The following ATL1 variants were observed in gnomAD, a reference collection of about 807,000 sequenced individuals.
The protein encoded by ATL1 is atlastin GTPase 1.
A neutral mutation model predicts 75.5 loss-of-function variants in ATL1; 31 were observed. The observed-to-expected ratio is 0.41, with a 90% confidence interval of 0.31 to 0.55. ATL1 has a LOEUF of 0.55. ATL1 is among the 20% of genes least tolerant of loss of function. The pLI, the probability that ATL1 is intolerant of heterozygous loss-of-function variation, is 0.27. For missense variants in ATL1, 405 were observed against 662.6 expected, an observed-to-expected ratio of 0.61 and a Z score of 4.27; for synonymous variants, 226 against 233.3, an observed-to-expected ratio of 0.97 and a Z score of 0.28.
chr14:50,546,418 A>G (rs553743292), intron 1 of ATL1, among the ~76,000 whole-genome samples: 1 of 152,138 alleles, frequency 6.6e-6, no homozygotes, highest in African/African-American at 2.4e-5. Flanking sequence ...GTTTATGTTT[A>G]TATGTATGTA....
intron 1 of ATL1, among the ~76,000 whole-genome samples, chr14:50,583,754 G>A (rs187758258): frequency 3.0e-4 from 46 of 152,290 alleles, no homozygotes; most frequent in Admixed American, 1.4e-3. Context: ...AAGGATAGGA[G>A]GTGCTTGCCA....
intron 11 of ATL1, among the ~76,000 whole-genome samples, chr14:50,625,786 T>G (rs1322750098): frequency 6.6e-6 from 1 of 151,714 alleles, no homozygotes; most frequent in Non-Finnish European, 1.5e-5. Context: ...GGCGGGCACC[T>G]GTAGTCCCAG....
At chr14:50,609,315 A>G (rs2039342719) in intron 6 of ATL1, among the ~76,000 whole-genome samples, 1 of 152,062 alleles carries the variant, frequency 6.6e-6, no homozygotes, top group Non-Finnish European at 1.5e-5. Context: ...ATCATATGTA[A>G]TCTCTATTTT....
chr14:50,602,086 G>A (rs985079756), intron 6 of ATL1, among the ~76,000 whole-genome samples: 3 of 152,116 alleles, frequency 2.0e-5, no homozygotes, highest in Admixed American at 2.0e-4. Context: ...GACTAATTCT[G>A]GATATTTTTG....
intron 6 of ATL1, among the ~76,000 whole-genome samples, chr14:50,599,411 T>C (rs2140213715): frequency 6.6e-6 from 1 of 152,298 alleles, no homozygotes; most frequent in African/African-American, 2.4e-5. Context: ...AACATGGAGA[T>C]AATACCAATG....
chr14:50,552,771 C>T (rs1438855102), intron 1 of ATL1, among the ~76,000 whole-genome samples: 2 of 152,118 alleles, frequency 1.3e-5, no homozygotes, highest in Non-Finnish European at 2.9e-5. Context: ...GGAAAGGATA[C>T]CCTATTCAAT....
intron 1 of ATL1, among the ~76,000 whole-genome samples, chr14:50,575,392 G>A (rs1331878046): frequency 2.6e-5 from 4 of 152,072 alleles, no homozygotes; most frequent in South Asian, 2.1e-4. Context: ...GAGTCTGTAC[G>A]GAAGTGTTTT....
intron 11 of ATL1, among the ~76,000 whole-genome samples, chr14:50,626,827 G>T (rs1470019781): frequency 2.0e-5 from 3 of 152,146 alleles, no homozygotes; most frequent in African/African-American, 7.2e-5. Context: ...ACCCTACTGA[G>T]CTATTGAACA....
At chr14:50,567,187 C>G (rs573940050) in intron 1 of ATL1, among the ~76,000 whole-genome samples, 1 of 152,326 alleles carries the variant, frequency 6.6e-6, no homozygotes, top group South Asian at 2.1e-4. Context: ...ATGACTTTGA[C>G]TACTCTGTGT....
intron 8 of ATL1, among the ~76,000 whole-genome samples, chr14:50,617,583 C>T (rs1403660155): frequency 2.0e-5 from 3 of 152,184 alleles, no homozygotes; most frequent in Admixed American, 1.3e-4. Context: ...TATACTAGTG[C>T]ATCTGCCCTG....
At chr14:50,614,573 T>C in intron 8 of ATL1, 62 bp downstream of exon 8, 1 of 1,553,006 alleles carries the variant, frequency 6.4e-7, no homozygotes. Context: ...TGTCATTTTA[T>C]CTATTGGGCT....
chr14:50,630,213 TAC>T (rs763879873), intron 13 of ATL1, among the ~76,000 whole-genome samples: 2 of 152,192 alleles, frequency 1.3e-5, no homozygotes, highest in African/African-American at 4.8e-5. Context: ...TGATTTGATC[TAC>T]ACACACACAA....
At chr14:50,545,703 T>C (rs1427290429) in intron 1 of ATL1, among the ~76,000 whole-genome samples, 1 of 152,204 alleles carries the variant, frequency 6.6e-6, no homozygotes, top group Non-Finnish European at 1.5e-5. Flanking sequence ...CGAGTATCCA[T>C]GTCGGCCCTG....
chr14:50,595,444 G>A lies in ATL1; in HGVS notation c.574-132G>A, dbSNP rs3015455. On this transcript the variant is annotated intron_variant, in intron 5 of 13. Coordinates refer to ENST00000358385, the MANE Select transcript of ATL1 (RefSeq NM_015915.5). ...AAATGATTATTAGAATCTTCTTAAT[G>A]TAATATTCTGTTATACCTAGAGGGA... is the stretch of plus-strand genomic sequence containing the variant. 0.74 allele frequency: 562,518 copies of A among 755,726 alleles called. 211,252 individuals are homozygous for A. The highest frequency in any genetic ancestry group is 0.93 in the African/African-American group (52,928 of 56,914). 46.8% of individuals were successfully genotyped at this position (755,726 alleles called of 1,614,324 possible). A position where few individuals can be genotyped will look rare whatever the true frequency, so the allele number is the denominator to read the frequency against.
intron 2 of ATL1, among the ~76,000 whole-genome samples, chr14:50,589,423 G>C (rs1012569529): frequency 1.3e-5 from 2 of 152,054 alleles, no homozygotes; most frequent in African/African-American, 2.4e-5. Flanking sequence ...CTCCCAAAGT[G>C]CTGAGATTAC....
intron 1 of ATL1, among the ~76,000 whole-genome samples, chr14:50,574,697 T>C (rs918938392): frequency 2.0e-5 from 3 of 151,942 alleles, no homozygotes; most frequent in Admixed American, 6.6e-5. Flanking sequence ...GGTTTTTTTC[T>C]ATACCATGAT....
intron 1 of ATL1, 27 bp downstream of exon 1, chr14:50,560,326 G>A: frequency 6.2e-7 from 1 of 1,612,684 alleles, no homozygotes; most frequent in South Asian, 1.1e-5. Context: ...AACTTCTGCA[G>A]CCTGCACGGG....
chr14:50,605,973 A>G (rs1451206532), intron 6 of ATL1, among the ~76,000 whole-genome samples: 2 of 151,976 alleles, frequency 1.3e-5, no homozygotes, highest in Non-Finnish European at 2.9e-5. Flanking sequence ...CAGTGTGCCC[A>G]CTCCTTTCCT....
upstream of ATL1, among the ~76,000 whole-genome samples, chr14:50,557,727 C>G (rs537331745): frequency 6.6e-6 from 1 of 152,176 alleles, no homozygotes; most frequent in Non-Finnish European, 1.5e-5. Context: ...AAGATGCATT[C>G]TAGCAATGTC....
Sources: gnomAD v4.1 joint callset for allele counts (sites outside exome capture counted in the v4.1 genomes callset) on GRCh38, gnomAD v4.1.1 for gene constraint, MANE v1.5 for transcripts, NCBI Gene and HGNC (gene_info 2026-07-23, HGNC 2026-07-21) for gene names.